Variants in PTPRT observed in about 807,000 individuals in gnomAD.
PTPRT encodes receptor-type tyrosine-protein phosphatase T.
In PTPRT, 56 loss-of-function variants were observed where a neutral mutation model predicts 176.8. That is an observed-to-expected ratio of 0.32 (90% confidence interval 0.26 to 0.40). The LOEUF (loss-of-function observed/expected upper bound fraction) is 0.40. Among genes scored for constraint, PTPRT ranks in the 10% least tolerant of loss-of-function variants. The pLI is 1.00. For synonymous variants in PTPRT, 783 were observed against 739.0 expected, an observed-to-expected ratio of 1.06 and a Z score of -0.96; for missense variants, 1,540 against 1,908.2, an observed-to-expected ratio of 0.81 and a Z score of 3.60.
chr20:42,778,108 A>C (rs1248900249), intron 4 of PTPRT, among the ~76,000 whole-genome samples: 1 of 152,220 alleles, frequency 6.6e-6, no homozygotes, highest in Non-Finnish European at 1.5e-5. Flanking sequence ...TGTCAGGAGA[A>C]TCCTGACTTC....
intron 28 of PTPRT, among the ~76,000 whole-genome samples, chr20:42,085,231 C>G (rs771370420): frequency 2.6e-5 from 4 of 152,060 alleles, no homozygotes; most frequent in Non-Finnish European, 5.9e-5. Flanking sequence ...GTGCTGAGCT[C>G]CTTTCATCCT....
chr20:42,399,900 T>A (rs1404801500), intron 9 of PTPRT, among the ~76,000 whole-genome samples: 1 of 152,230 alleles, frequency 6.6e-6, no homozygotes, highest in Non-Finnish European at 1.5e-5. Flanking sequence ...ATAAGATGAC[T>A]TTTGCAATAT....
intron 7 of PTPRT, among the ~76,000 whole-genome samples, chr20:42,584,115 G>GA (rs1159429811): frequency 6.6e-6 from 1 of 152,156 alleles, no homozygotes; most frequent in African/African-American, 2.4e-5. Flanking sequence ...ATCACCAAGA[G>GA]ACCTGTCTTC....
rs941944614 is a variant in PTPRT, at chr20:43,181,702, T to A, written c.88+7944A>T. On this transcript the variant is annotated intron_variant, in intron 1 of 30. Coordinates refer to ENST00000373187, the MANE Select transcript of PTPRT (RefSeq NM_007050.6). ...GCCACCAGCTGTTCCCATTTTACCCTGCTGTATGCCAGTGTTCAAACAAAA... is the reference window on the plus strand; with the variant it reads ...GCCACCAGCTGTTCCCATTTTACCCAGCTGTATGCCAGTGTTCAAACAAAA... Among the ~76,000 whole-genome samples the A allele has an allele frequency of 7.2e-5, 11 of 152,196 alleles. No individual in the cohort carries two copies. In the South Asian group the frequency reaches 2.1e-3, roughly 29 times the overall value.
chr20:42,752,971 G>T (rs1201640778), intron 6 of PTPRT, among the ~76,000 whole-genome samples: 4 of 152,168 alleles, frequency 2.6e-5, no homozygotes, highest in African/African-American at 9.7e-5. Flanking sequence ...TTAGCAGTGT[G>T]TTTGGGGTCG....
intron 11 of PTPRT, among the ~76,000 whole-genome samples, chr20:42,346,083 G>A (rs1050459219): frequency 9.9e-5 from 15 of 152,270 alleles, no homozygotes; most frequent in East Asian, 3.9e-4. Flanking sequence ...ATATCCTGGC[G>A]GGTGCAGGTC....
intron 11 of PTPRT, among the ~76,000 whole-genome samples, chr20:42,320,580 A>G (rs2057786229): frequency 6.6e-6 from 1 of 152,198 alleles, no homozygotes; most frequent in Admixed American, 6.5e-5. Context: ...AGGTTCTTCC[A>G]GAAACAGACC....
At chr20:42,158,627 C>T (rs183196592) in intron 17 of PTPRT, among the ~76,000 whole-genome samples, 4 of 152,312 alleles carry the variant, frequency 2.6e-5, no homozygotes, top group East Asian at 3.9e-4. Context: ...CGAGATATCA[C>T]AGGAGCCTTG....
At chr20:42,792,238 C>T (rs2145555018) in intron 2 of PTPRT, among the ~76,000 whole-genome samples, 1 of 152,336 alleles carries the variant, frequency 6.6e-6, no homozygotes, top group Non-Finnish European at 1.5e-5. Flanking sequence ...ATCAGCCAAT[C>T]TACAATCAAT....
chr20:42,750,260 T>C (rs2076751569), intron 6 of PTPRT, among the ~76,000 whole-genome samples: 1 of 152,168 alleles, frequency 6.6e-6, no homozygotes, highest in Non-Finnish European at 1.5e-5. Context: ...ATATGATTAC[T>C]ACTAAAGACA....
intron 7 of PTPRT, among the ~76,000 whole-genome samples, chr20:42,487,034 A>C (rs773898485): frequency 6.6e-6 from 1 of 152,208 alleles, no homozygotes; most frequent in Non-Finnish European, 1.5e-5. Flanking sequence ...GTTTTGGTTA[A>C]CATGACCGGC....
intron 1 of PTPRT, among the ~76,000 whole-genome samples, chr20:43,027,348 T>C (rs895945031): frequency 6.6e-6 from 1 of 151,620 alleles, no homozygotes; most frequent in Admixed American, 6.6e-5. Context: ...TGGTGGCGGG[T>C]GCCCATAATC....
chr20:42,612,099 G>C (rs1431403406), intron 7 of PTPRT, among the ~76,000 whole-genome samples: 3 of 152,020 alleles, frequency 2.0e-5, no homozygotes, highest in Non-Finnish European at 4.4e-5. Context: ...CCCATCTCCT[G>C]ACTCTTCCCC....
rs537801766 is a variant in PTPRT at position 42,311,051 on chromosome 20, A to G, written c.2139+4672T>C. Among the ~76,000 whole-genome samples the G allele has an allele frequency of 3.9e-5, 6 of 152,354 alleles. No homozygotes were observed. In the South Asian group the frequency reaches 8.3e-4, roughly 21 times the overall value. On this transcript the variant is annotated intron_variant, in intron 12 of 30. Transcript: ENST00000373187. Reference sequence around the variant, plus strand: ...ATGTCTTTATCCTCATGCTGATAATAGTAAACATTTAATGACTGACTTCCA... The same window carrying G: ...ATGTCTTTATCCTCATGCTGATAATGGTAAACATTTAATGACTGACTTCCA...
intron 13 of PTPRT, among the ~76,000 whole-genome samples, chr20:42,257,655 C>A (rs973076485): frequency 1.1e-5 from 1 of 94,752 alleles, no homozygotes; most frequent in Non-Finnish European, 2.2e-5. Flanking sequence ...CCCCCCCCCC[C>A]CGCCCACTAC....
intron 12 of PTPRT, among the ~76,000 whole-genome samples, chr20:42,307,353 C>A (rs1465262285): frequency 6.6e-6 from 1 of 152,150 alleles, no homozygotes; most frequent in African/African-American, 2.4e-5. Flanking sequence ...CAAGCAGAGA[C>A]CCTCTGCTGA....
Position 42,081,865 on chromosome 20 carries a change from G to C in PTPRT, c.4272+17C>G. The C allele has an allele frequency of 6.2e-7, 1 of 1,614,102 alleles. No homozygotes were observed. Among genetic ancestry groups the C allele is most frequent in the Non-Finnish European group, 8.5e-7 (1 of 1,179,934 alleles). ...AGTCAGCCCTGGCTGTTGGAGAACAGTCCTTGGGATACTCACCAGGGTCTC... is the reference window on the plus strand; with the variant it reads ...AGTCAGCCCTGGCTGTTGGAGAACACTCCTTGGGATACTCACCAGGGTCTC... On this transcript the variant is annotated intron_variant, in intron 30 of 30. Coordinates refer to ENST00000373187, the MANE Select transcript of PTPRT (RefSeq NM_007050.6).
chr20:42,957,831 T>A (rs1981730620), intron 1 of PTPRT, among the ~76,000 whole-genome samples: 1 of 152,142 alleles, frequency 6.6e-6, no homozygotes, highest in Non-Finnish European at 1.5e-5. Context: ...AATTACACAT[T>A]ATTAGCTCAG....
chr20:43,058,856 T>C (rs1217873540), intron 1 of PTPRT, among the ~76,000 whole-genome samples: 1 of 152,150 alleles, frequency 6.6e-6, no homozygotes, highest in Non-Finnish European at 1.5e-5. Context: ...CAGATTCAAA[T>C]TTGAATTCAG....
Sources: gnomAD v4.1 joint callset for allele counts (sites outside exome capture counted in the v4.1 genomes callset) on GRCh38, gnomAD v4.1.1 for gene constraint, MANE v1.5 for transcripts, NCBI Gene and HGNC (gene_info 2026-07-23, HGNC 2026-07-21) for gene names.